Variants in RBFOX1 observed in about 807,000 individuals in gnomAD.
RBFOX1 encodes RNA binding fox-1 homolog 1.
RBFOX1 carries 8 observed loss-of-function variants against 57.7 expected under a neutral mutation model. The ratio of observed to expected loss-of-function variants is 0.14; its 90% confidence interval spans 0.08 to 0.25. RBFOX1 has a LOEUF of 0.25. Among genes scored for constraint, RBFOX1 ranks in the 10% least tolerant of loss-of-function variants. The pLI is 1.00. For synonymous variants in RBFOX1, 326 were observed against 222.4 expected, an observed-to-expected ratio of 1.47 and a Z score of -4.15; for missense variants, 611 against 548.5, an observed-to-expected ratio of 1.11 and a Z score of -1.14.
At chr16:5,607,721 A>G (rs1044858816) in intron 3 of RBFOX1, among the ~76,000 whole-genome samples, 2 of 152,118 alleles carry the variant, frequency 1.3e-5, no homozygotes, top group Non-Finnish European at 2.9e-5. Context: ...TACCTGCCCC[A>G]ATCTGAGGTC....
chr16:6,028,906 C>A lies in RBFOX1; in HGVS notation c.-127+8914C>A, dbSNP rs1253039264. ...GACAAAGTCATGGCAGCCAGGTACA[C>A]TTAACTTGTGGATCCAGATTCTGCC... On this transcript the variant is annotated intron_variant, in intron 1 of 15. Coordinates refer to ENST00000550418, the MANE Select transcript of RBFOX1 (RefSeq NM_018723.4). Among the ~76,000 whole-genome samples, 3 of 152,312 alleles carry A rather than the reference C, an allele frequency of 2.0e-5. No homozygotes were observed. In the East Asian group the frequency reaches 5.8e-4, roughly 29 times the overall value.
intron 3 of RBFOX1, among the ~76,000 whole-genome samples, chr16:5,664,470 C>T (rs1044121093): frequency 5.3e-5 from 8 of 152,068 alleles, no homozygotes; most frequent in Non-Finnish European, 1.2e-4. Context: ...TCAATTGAAC[C>T]CGGGAGGCGG....
At chr16:5,274,327 G>A (rs1596361977) in intron 1 of RBFOX1, among the ~76,000 whole-genome samples, 2 of 152,160 alleles carry the variant, frequency 1.3e-5, no homozygotes, top group African/African-American at 2.4e-5. Flanking sequence ...CCAGGAGTTC[G>A]AGACCAGCCT....
intron 3 of RBFOX1, among the ~76,000 whole-genome samples, chr16:6,677,802 T>C (rs573276331): frequency 6.6e-6 from 1 of 152,152 alleles, no homozygotes; most frequent in Non-Finnish European, 1.5e-5. Context: ...GACTGAACAA[T>C]GGTGGCAGAG....
intron 3 of RBFOX1, among the ~76,000 whole-genome samples, chr16:6,664,330 C>G (rs2098719083): frequency 6.6e-6 from 1 of 152,184 alleles, no homozygotes; most frequent in Non-Finnish European, 1.5e-5. Flanking sequence ...GCTCTCATTC[C>G]AAACTAATGC....
chr16:6,729,365 A>G (rs2067987020), intron 3 of RBFOX1, among the ~76,000 whole-genome samples: 2 of 152,140 alleles, frequency 1.3e-5, no homozygotes, highest in African/African-American at 4.8e-5. Context: ...TCAGTCATTC[A>G]CTCACTCATT....
intron 3 of RBFOX1, among the ~76,000 whole-genome samples, chr16:5,625,480 T>A (rs2048322080): frequency 6.6e-6 from 1 of 152,184 alleles, no homozygotes; most frequent in Non-Finnish European, 1.5e-5. Flanking sequence ...GCACCGTTCT[T>A]CATAACCAGT....
chr16:7,620,814 T>A (rs1421352088), intron 10 of RBFOX1, among the ~76,000 whole-genome samples: 1 of 152,204 alleles, frequency 6.6e-6, no homozygotes, highest in Admixed American at 6.5e-5. Flanking sequence ...GACTTATAGT[T>A]CAGTTTTATT....
rs984690648 is a variant in RBFOX1 at position 7,712,864 on chromosome 16, G to T, written c.*2119G>T. 1 of 152,260 alleles carries T rather than the reference G, an allele frequency of 6.6e-6. No homozygotes were observed. Among genetic ancestry groups the T allele is most frequent in the Admixed American group, 6.5e-5 (1 of 15,294 alleles). The allele number at this position is 152,260 out of a possible 1,614,324, so 9.4% of individuals were successfully genotyped here. ...AAATCCAGAATTTGTATTGTGTTTC[G>T]AATCACAAACATAGAATTCTTACTG... On this transcript the variant is annotated 3_prime_UTR_variant, in exon 16 of 16. Coordinates refer to ENST00000550418, the MANE Select transcript of RBFOX1 (RefSeq NM_018723.4).
At chr16:6,757,673 G>C (rs11077083) in intron 3 of RBFOX1, among the ~76,000 whole-genome samples, 38,293 of 152,086 alleles carry the variant, frequency 0.25, 5,617 homozygotes, top group South Asian at 0.34. Flanking sequence ...ATGAGGGGAG[G>C]CTGATTAATA....
chr16:6,555,251 C>G (rs1020937991), intron 2 of RBFOX1, among the ~76,000 whole-genome samples: 3 of 152,212 alleles, frequency 2.0e-5, no homozygotes, highest in African/African-American at 7.2e-5. Flanking sequence ...CAAAGCCTGT[C>G]TCTTTAATTA....
chr16:5,403,205 C>T (rs1013234005), intron 1 of RBFOX1, among the ~76,000 whole-genome samples: 1 of 151,914 alleles, frequency 6.6e-6, no homozygotes, highest in Non-Finnish European at 1.5e-5. Flanking sequence ...ACAAAATTAG[C>T]TGGGTGTGGT....
chr16:5,375,983 G>A (rs564881301), intron 1 of RBFOX1, among the ~76,000 whole-genome samples: 2 of 152,038 alleles, frequency 1.3e-5, no homozygotes, highest in Admixed American at 6.5e-5. Context: ...CCTGGCCAAC[G>A]TGGCAAAACC....
intron 3 of RBFOX1, among the ~76,000 whole-genome samples, chr16:6,666,325 G>A (rs1474797444): frequency 6.6e-6 from 1 of 152,104 alleles, no homozygotes; most frequent in African/African-American, 2.4e-5. Flanking sequence ...CCTGAGGTCA[G>A]GAGTTTGAAA....
In RBFOX1 at chr16:6,256,819, ACT is replaced by A. The variant is rs551316993; in HGVS notation, c.-126-60172_-126-60171del. Among the ~76,000 whole-genome samples the A allele has an allele frequency of 2.0e-5, 3 of 151,798 alleles. No homozygotes were observed. The South Asian group carries it at 6.2e-4, about 32-fold the overall frequency. ...GAAGAAAATCACCTTTGGTTGAGAA[ACT>A]CTCATTTAGGAAGATACTGCTAAGA... On this transcript the variant is annotated intron_variant, in intron 1 of 15. Transcript: ENST00000550418.
chr16:5,726,466 C>T (rs1043165011), intron 3 of RBFOX1, among the ~76,000 whole-genome samples: 1 of 152,188 alleles, frequency 6.6e-6, no homozygotes, highest in Non-Finnish European at 1.5e-5. Context: ...AGGACCTTCA[C>T]TTTCTTTGTC....
chr16:6,748,754 C>CT (rs1485926239), intron 3 of RBFOX1, among the ~76,000 whole-genome samples: 1 of 152,070 alleles, frequency 6.6e-6, no homozygotes, highest in Non-Finnish European at 1.5e-5. Context: ...TTGAAGTTGG[C>CT]TTAGATGTAT....
In RBFOX1 at chr16:7,228,365, C is replaced by G. The variant is rs1206776409; in HGVS notation, c.27+176267C>G. 2.0e-5 allele frequency among the ~76,000 whole-genome samples: 3 copies of G among 152,136 alleles called. No homozygotes were observed. The East Asian group carries it at 5.8e-4, about 29-fold the overall frequency. On this transcript the variant is annotated intron_variant, in intron 4 of 15. Transcript: ENST00000550418. ...CCTTTTTATCTTCTCCTACTACCCC[C>G]CGCTGTCATTATCAAGTGAGTTCAA...
At chr16:5,491,520 A>G (rs1219563752) in intron 2 of RBFOX1, among the ~76,000 whole-genome samples, 1 of 152,252 alleles carries the variant, frequency 6.6e-6, no homozygotes, top group Non-Finnish European at 1.5e-5. Context: ...CAACAGGAGA[A>G]TGGGTAAATA....
Sources: allele counts gnomAD v4.1 joint callset (sites outside exome capture counted in the v4.1 genomes callset), GRCh38; gene constraint gnomAD v4.1.1; transcripts MANE v1.5; gene names NCBI Gene and HGNC (gene_info 2026-07-23, HGNC 2026-07-21).